The following SETD1B variants were observed in gnomAD, a reference collection of about 807,000 sequenced individuals.
SETD1B encodes SET domain containing 1B, histone lysine methyltransferase, also known as histone-lysine N-methyltransferase SETD1B.
SETD1B carries 7 observed loss-of-function variants against 148.0 expected under a neutral mutation model. The observed-to-expected ratio is 0.05, with a 90% confidence interval of 0.03 to 0.09. The LOEUF is 0.09. SETD1B is among the 10% of genes least tolerant of loss of function. SETD1B has a pLI of 1.00. For missense variants in SETD1B, 2,155 were observed against 2,729.9 expected (o/e 0.79, Z 4.69); for synonymous variants, 1,361 against 1,186.5 (o/e 1.15, Z -3.02).
chr12:121,822,474 G>A lies in SETD1B; in HGVS notation c.3911-16G>A, dbSNP rs187887537. ...ATTGAATAGTAAATGTCTCGTGTTC[G>A]CTCACCTCTCTGCAGAACATGACCT... is the stretch of plus-strand genomic sequence containing the variant. On this transcript the variant is annotated splice_polypyrimidine_tract_variant and intron_variant, in intron 11 of 16. Transcript: ENST00000604567. 17 of 1,521,200 alleles carry A rather than the reference G, an allele frequency of 1.1e-5. No homozygotes were observed. The highest frequency in any genetic ancestry group is 2.1e-5 in the Admixed American group (1 of 47,636). 94.2% of individuals were successfully genotyped at this position (1,521,200 alleles called of 1,614,324 possible).
At chr12:121,825,062 G>A (rs1876774251) in intron 12 of SETD1B, 138 bp from the exon 13 acceptor site, 4 of 827,604 alleles carry the variant, frequency 4.8e-6, no homozygotes, top group Non-Finnish European at 7.4e-6. Flanking sequence ...GGGCAGCCAC[G>A]TGGAGGTGGC....
chr12:121,817,799 G>C lies in SETD1B; in HGVS notation c.3313G>C (p.Asp1105His). The C allele has an allele frequency of 3.2e-6, 5 of 1,549,326 alleles. No individual in the cohort carries two copies. The highest frequency in any genetic ancestry group is 4.4e-6 in the Non-Finnish European group (5 of 1,145,746). ...GTCCCCACTCTTCCTTCTCCCCCAG[G>C]ATGACGACGATGACGACAGTGATGA... is the stretch of plus-strand genomic sequence containing the variant. ...SSSTSSTSDK[D>H]DDDDDSDDRD... is the part of the protein sequence containing the mutation. The change falls in exon 10 of 17, where the codon GAT (aspartate) becomes CAT (histidine). Residue 1105 changes from aspartate (D) to histidine (H), a missense_variant and splice_region_variant. By Grantham distance (81) the Asp-to-His change is moderately conservative. Around this residue, in one of 11 missense-constraint regions of SETD1B, gnomAD observed 862 missense variants for 873.8 expected, o/e 0.99. Transcript: ENST00000604567. This position sits in a 1 kb window ranked among gnomAD's most constrained non-coding sequence, Gnocchi z 8.1.
chr12:121,829,122 G>T (rs543945167), intron 16 of SETD1B, among the ~76,000 whole-genome samples: 1 of 152,312 alleles, frequency 6.6e-6, no homozygotes, highest in African/African-American at 2.4e-5. Context: ...AGGGCTGAGG[G>T]TGGCCAAGCT....
Position 121,814,719 on chromosome 12 carries a change from C to T in SETD1B, c.2504C>T (p.Pro835Leu), listed in dbSNP as rs764113442. Residue 835 changes from proline to leucine, a missense_variant, in exon 7 of 17, where the codon CCA (proline) becomes CTA (leucine). This residue lies in a region of SETD1B where 289 missense variants were observed against 423.7 expected (regional missense o/e 0.68). Transcript: ENST00000604567. ...GGCCCAGGCCGCGGGCAGCACTGGC[C>T]ACCACTGCCCAAGTTTGACCCGTCA... The part of the protein sequence containing the change: ...NSGPGRGQHW[P>L]PLPKFDPSVP... The T allele has an allele frequency of 1.9e-5, 30 of 1,550,912 alleles. No homozygotes were observed. The highest frequency in any genetic ancestry group is 1.7e-4 in the Middle Eastern group (1 of 6,010).
upstream of SETD1B, chr12:121,801,392 A>AC (rs1875355183): frequency 6.6e-6 from 1 of 152,228 alleles, no homozygotes; most frequent in Admixed American, 6.5e-5. Flanking sequence ...CAGAAGAGGC[A>AC]CAGGGGTCCG....
chr12:121,793,313 A>ACCCCCCTCACTCGTCCCGGATCAGC, the SETD1B span: 21 of 1,457,186 alleles, frequency 1.4e-5, 1 homozygote, highest in South Asian at 2.6e-4. Flanking sequence ...TCCACTGTCC[A>ACCCCCCTCACTCGTCCCGGATCAGC]CCCCCCTCAC....
chr12:121,793,934 G>A, the SETD1B span: 3 of 289,930 alleles, frequency 1.0e-5, no homozygotes, highest in Admixed American at 5.4e-5. Flanking sequence ...GCCCCTCGCC[G>A]GCGAGACCCG....
intron 13 of SETD1B, among the ~76,000 whole-genome samples, 176 bp downstream of exon 13, chr12:121,825,542 G>A (rs1004390): frequency 0.23 from 35,410 of 152,010 alleles, 4,840 homozygotes; most frequent in African/African-American, 0.38. Flanking sequence ...GAAGGAAGGA[G>A]TTTGCCTTAG....
rs934893765 is a variant in SETD1B, at chr12:121,810,671, C to T, written c.1726C>T (p.Pro576Ser). The part of the protein sequence containing the change: ...STGLEDISPT[P>S]LPDSDEDEEL... ...CGGCCTGGAGGATATCAGCCCAACA[C>T]CCCTCCCAGACTCCGACGAGGACGA... Residue 576 changes from proline to serine, a missense_variant, in exon 6 of 17, where the codon CCC (proline) becomes TCC (serine). This residue lies in a region of SETD1B where 295 missense variants were observed against 303.8 expected (regional missense o/e 0.97). Transcript: ENST00000604567. The surrounding 1 kb of genome is among the most constrained non-coding windows in gnomAD (Gnocchi z 7.6). 1.3e-6 allele frequency: 2 copies of T among 1,550,188 alleles called. No individual in the cohort carries two copies. Among genetic ancestry groups the T allele is most frequent in the Admixed American group, 2.0e-5 (1 of 50,994 alleles).
Position 121,805,242 on chromosome 12 carries a change from C to T in SETD1B, c.273+26C>T. The T allele has an allele frequency of 1.3e-6, 2 of 1,515,458 alleles. No homozygotes were observed. The highest frequency in any genetic ancestry group is 1.2e-5 in the South Asian group (1 of 83,336). The allele number at this position is 1,515,458 out of a possible 1,614,324, so 93.9% of individuals were successfully genotyped here. A position where few individuals can be genotyped will look rare whatever the true frequency, so the allele number is the denominator to read the frequency against. ...GTAGGACCCCTCCCCACTGCCCCGC[C>T]GTCCCTCCCCCACCTCCCCGAGTTC... On this transcript the variant is annotated intron_variant, in intron 3 of 16. Coordinates refer to ENST00000604567, the MANE Select transcript of SETD1B (RefSeq NM_001353345.2). The surrounding 1 kb of genome is among the most constrained non-coding windows in gnomAD (Gnocchi z 4.2).
At position 121,817,886 on chromosome 12, in the gene SETD1B, G is replaced by A. The variant is rs1339353417; in HGVS notation, c.3400G>A (p.Glu1134Lys). The A allele has an allele frequency of 5.2e-6, 8 of 1,549,570 alleles. No individual in the cohort carries two copies. The highest frequency in any genetic ancestry group is 2.7e-5 in the African/African-American group (2 of 73,010). The stretch of plus-strand genomic sequence containing the variant: ...CCTGTCAGAGGCGAGTGAGAAGGAC[G>A]AAGGGGACTCGGATGAAGGTGAGCA... Reference protein sequence around the residue: ...TALSEASEKDEGDSDEEETVS... With the variant: ...TALSEASEKDKGDSDEEETVS... Residue 1134 changes from glutamate to lysine, a missense_variant, in exon 10 of 17, where the codon GAA becomes AAA. Physicochemically the swap from Glu to Lys is moderately conservative, Grantham distance 56 (BLOSUM62 1). Transcript: ENST00000604567. This position sits in a 1 kb window ranked among gnomAD's most constrained non-coding sequence, Gnocchi z 8.1.
At chr12:121,801,540 G>A (rs1875363467), upstream of SETD1B, 1 of 152,598 alleles carries the variant, frequency 6.6e-6, no homozygotes, top group Admixed American at 6.5e-5. Context: ...TCCTCGAAGG[G>A]GCAAAAGGCA....
At chr12:121,796,493 G>A in the SETD1B span, among the ~76,000 whole-genome samples, 1 of 152,210 alleles carries the variant, frequency 6.6e-6, no homozygotes, top group Non-Finnish European at 1.5e-5. Flanking sequence ...CAACGCTGTG[G>A]CACCCACTTC....
Position 121,804,768 on chromosome 12 carries a change from C to T in SETD1B, c.31C>T (p.His11Tyr), listed in dbSNP as rs1400120120. ...GAACAGTCACCCCCCCCACCACCAC[C>T]ACCAGCAGCCCCCGCCGCAGCCCGG... MENSHPPHHH[H>Y]QQPPPQPGPS... Residue 11 changes from histidine to tyrosine, a missense_variant, in exon 2 of 17, where the codon CAC becomes TAC. By Grantham distance (83) the His-to-Tyr change is moderately conservative. Around this residue, in one of 11 missense-constraint regions of SETD1B, gnomAD observed 36 missense variants for 23.5 expected, o/e 1.53. Coordinates refer to ENST00000604567, the MANE Select transcript of SETD1B (RefSeq NM_001353345.2). The surrounding 1 kb of genome is among the most constrained non-coding windows in gnomAD (Gnocchi z 4.6). 2 of 1,550,668 alleles carry T rather than the reference C, an allele frequency of 1.3e-6. No homozygotes were observed. Among genetic ancestry groups the T allele is most frequent in the East Asian group, 2.4e-5 (1 of 40,854 alleles).
chr12:121,815,792 C>A (rs1038372617), intron 7 of SETD1B, among the ~76,000 whole-genome samples: 7 of 150,630 alleles, frequency 4.6e-5, no homozygotes, highest in African/African-American at 1.7e-4. Context: ...TCAGCCACCG[C>A]TCCTGGCCTA....
intron 7 of SETD1B, among the ~76,000 whole-genome samples, chr12:121,815,549 G>A (rs889759644): frequency 2.6e-5 from 4 of 151,864 alleles, no homozygotes; most frequent in Admixed American, 2.6e-4. Flanking sequence ...TCGCTGTATC[G>A]TCCAGGCTGG....
intron 6 of SETD1B, among the ~76,000 whole-genome samples, chr12:121,812,675 T>C (rs1363925860): frequency 1.3e-5 from 2 of 152,102 alleles, no homozygotes; most frequent in African/African-American, 4.8e-5. Flanking sequence ...CCAGGACTGA[T>C]CTGGGGAGTG....
chr12:121,800,849 TGGCCGCG>T (rs2137531609), upstream of SETD1B: 1 of 150,622 alleles, frequency 6.6e-6, no homozygotes, highest in South Asian at 2.1e-4. Context: ...GGGCCCGACC[TGGCCGCG>T]GGCCCGCCTC....
chr12:121,804,712 G>A lies in SETD1B; in HGVS notation c.-14-12G>A, dbSNP rs1170148245. 6 of 1,546,154 alleles carry A rather than the reference G, an allele frequency of 3.9e-6. No homozygotes were observed. In the African/African-American group the frequency reaches 6.9e-5, roughly 18 times the overall value. ...GCCGCGGCGGAGACGACAACAACTT[G>A]CTGGTTTTCAGGTTGGGTTAACGGC... On this transcript the variant is annotated splice_polypyrimidine_tract_variant and intron_variant, in intron 1 of 16. Transcript: ENST00000604567. The surrounding 1 kb of genome is among the most constrained non-coding windows in gnomAD (Gnocchi z 4.6).
Sources: gnomAD v4.1 joint callset for allele counts (sites outside exome capture counted in the v4.1 genomes callset) on GRCh38, gnomAD v4.1.1 for gene constraint, gnomAD v4.1.1 regional missense constraint, Gnocchi (gnomAD v3.1) non-coding constraint, MANE v1.5 for transcripts, NCBI Gene and HGNC (gene_info 2026-07-23, HGNC 2026-07-21) for gene names.